Variants in TTBK2 observed in about 807,000 individuals in gnomAD.
TTBK2 encodes the protein tau tubulin kinase 2, also known as tau-tubulin kinase 2.
TTBK2 carries 28 observed loss-of-function variants against 110.8 expected under a neutral mutation model. The observed-to-expected ratio is 0.25, with a 90% CI of 0.19 to 0.35. The LOEUF is 0.35. TTBK2 is among the 10% of genes least tolerant of loss of function. The pLI, the probability that TTBK2 is intolerant of heterozygous loss-of-function variation, is 1.00. For missense variants in TTBK2, 1,369 were observed against 1,500.3 expected, an observed-to-expected ratio of 0.91 and a Z score of 1.45; for synonymous variants, 532 against 527.3, an observed-to-expected ratio of 1.01 and a Z score of -0.12.
At chr15:42,908,984 C>T (rs547043262) in intron 1 of TTBK2, among the ~76,000 whole-genome samples, 1 of 152,308 alleles carries the variant, frequency 6.6e-6, no homozygotes, top group East Asian at 1.9e-4. Flanking sequence ...TGGCAAAAAA[C>T]AACACAAATT....
chr15:42,883,387 A>AC (rs1895123363), intron 1 of TTBK2, among the ~76,000 whole-genome samples: 1 of 151,902 alleles, frequency 6.6e-6, no homozygotes, highest in Non-Finnish European at 1.5e-5. Context: ...CAAAAAAAAA[A>AC]AAAAAAAAAG....
intron 1 of TTBK2, among the ~76,000 whole-genome samples, chr15:42,892,294 C>T (rs1205438499): frequency 2.0e-5 from 3 of 152,102 alleles, no homozygotes; most frequent in Middle Eastern, 3.2e-3. Context: ...TGGAACTAAG[C>T]CATGCTCATT....
Position 42,817,412 on chromosome 15 carries a change from T to A in TTBK2, c.538-315A>T, listed in dbSNP as rs1892085572. Among the ~76,000 whole-genome samples the A allele has an allele frequency of 2.0e-5, 3 of 152,166 alleles. No individual in the cohort carries two copies. The South Asian group carries it at 6.2e-4, about 32-fold the overall frequency. On this transcript the variant is annotated intron_variant, in intron 6 of 14. Coordinates refer to ENST00000267890, the MANE Select transcript of TTBK2 (RefSeq NM_173500.4). The stretch of plus-strand genomic sequence containing the variant: ...AACATTAAATGCTTTCATATACCCA[T>A]AATCGTGGTAAGTATCATAGTATAT...
At position 42,840,405 on chromosome 15, in the gene TTBK2, G is replaced by A. The variant is rs1217725113; in HGVS notation, c.246C>T (p.Gly82=). ...AGTTGAATCGATCATTCCTCCCACA[G>A]CCAATAAATCTACAAACATGGTCTT... The part of the protein sequence containing the change: ...QGKDHVCRFI[G]CGRNDRFNYV... The change falls in exon 4 of 15, where the codon GGC becomes GGT. Residue 82 remains glycine (G), a synonymous_variant. Transcript: ENST00000267890. 1 of 1,613,902 alleles carries A rather than the reference G, an allele frequency of 6.2e-7. No homozygotes were observed. Among genetic ancestry groups the A allele is most frequent in the Non-Finnish European group, 8.5e-7 (1 of 1,179,910 alleles).
At chr15:42,901,930 T>G (rs2030043261) in intron 1 of TTBK2, among the ~76,000 whole-genome samples, 2 of 152,114 alleles carry the variant, frequency 1.3e-5, no homozygotes, top group African/African-American at 4.8e-5. Context: ...AAAACCACAA[T>G]GAGGGCCAGG....
chr15:42,783,569 A>T lies in TTBK2; in HGVS notation c.1047T>A (p.Asp349Glu). The change falls in exon 11 of 15, where the codon GAT (aspartate) becomes GAA (glutamate). Residue 349 changes from aspartate (D) to glutamate (E), a missense_variant. Asp to Glu is a conservative substitution (Grantham distance 45). Coordinates refer to ENST00000267890, the MANE Select transcript of TTBK2 (RefSeq NM_173500.4). ...LRENTDEVFP[D>E]EQLSDGENGI... is the part of the protein sequence containing the mutation. Reference sequence around the variant, plus strand: ...CATTTTCTCCATCGCTAAGCTGTTCATCTGGAAATACCTCATCTGTATTTT... The same window carrying T: ...CATTTTCTCCATCGCTAAGCTGTTCTTCTGGAAATACCTCATCTGTATTTT... 1 of 1,614,138 alleles carries T rather than the reference A, an allele frequency of 6.2e-7. No individual in the cohort carries two copies. The highest frequency in any genetic ancestry group is 8.5e-7 in the Non-Finnish European group (1 of 1,180,036).
At chr15:42,801,973 A>G in intron 9 of TTBK2, 1 of 1,570,920 alleles carries the variant, frequency 6.4e-7, no homozygotes, top group Non-Finnish European at 8.7e-7. Flanking sequence ...CTGCCACTTA[A>G]GGTTGTTGAT....
intron 9 of TTBK2, chr15:42,802,344 G>A: frequency 1.3e-6 from 1 of 769,932 alleles, no homozygotes; most frequent in South Asian, 1.3e-5. Flanking sequence ...AGGAGAGGCT[G>A]TTAAAGGCCT....
chr15:42,777,219 G>C lies in TTBK2; in HGVS notation c.1221C>G (p.Ser407Arg), dbSNP rs779352666. The change falls in exon 12 of 15, where the codon AGC becomes AGG. Residue 407 changes from serine (S) to arginine (R), a missense_variant. Ser to Arg is a moderately radical substitution (Grantham distance 110). Around this residue, in one of 4 missense-constraint regions of TTBK2, gnomAD observed 1,097 missense variants for 1,114.7 expected, o/e 0.98. Coordinates refer to ENST00000267890, the MANE Select transcript of TTBK2 (RefSeq NM_173500.4). ...ICKAATEEEN[S>R]HGQANGLLNA... The stretch of plus-strand genomic sequence containing the variant: ...TGAGAAGACCATTTGCCTGGCCATG[G>C]CTGTTCTCCTCTTCAGTAGCAGCCT... 1 of 1,614,148 alleles carries C rather than the reference G, an allele frequency of 6.2e-7. No homozygotes were observed. Among genetic ancestry groups the C allele is most frequent in the Non-Finnish European group, 8.5e-7 (1 of 1,180,024 alleles).
intron 10 of TTBK2, among the ~76,000 whole-genome samples, chr15:42,792,777 T>C (rs1279546224): frequency 6.6e-6 from 1 of 152,170 alleles, no homozygotes; most frequent in Non-Finnish European, 1.5e-5. Context: ...CTCTTTTTAT[T>C]TACAGTTATT....
At chr15:42,768,267 A>G (rs561128803) in intron 13 of TTBK2, among the ~76,000 whole-genome samples, 90 of 152,350 alleles carry the variant, frequency 5.9e-4, no homozygotes, top group African/African-American at 2.1e-3. Flanking sequence ...GGCCAGGGCA[A>G]TCAGGCAAGA....
At chr15:42,891,540 C>CA (rs1035923968) in intron 1 of TTBK2, among the ~76,000 whole-genome samples, 3 of 150,580 alleles carry the variant, frequency 2.0e-5, no homozygotes, top group African/African-American at 7.3e-5. Flanking sequence ...AAAAAAAAAA[C>CA]AAACTCTGAA....
Position 42,878,570 on chromosome 15 carries a change from T to G in TTBK2, c.48A>C (p.Leu16=). The G allele has an allele frequency of 6.2e-7, 1 of 1,613,264 alleles. No individual in the cohort carries two copies. ...TCACCACTTTCCATCTTTCTTTCAC[T>G]AGGATTCCAACACTCAGGATATCCA... is the stretch of plus-strand genomic sequence containing the variant. ...EQLDILSVGI[L]VKERWKVLRK... is the part of the protein sequence containing the mutation. Residue 16 remains leucine, a synonymous_variant, in exon 2 of 15, where the codon CTA becomes CTC. Coordinates refer to ENST00000267890, the MANE Select transcript of TTBK2 (RefSeq NM_173500.4).
At chr15:42,806,840 A>G (rs1891489630) in intron 9 of TTBK2, among the ~76,000 whole-genome samples, 1 of 150,250 alleles carries the variant, frequency 6.7e-6, no homozygotes, top group African/African-American at 2.5e-5. Flanking sequence ...TTGGCTCATC[A>G]GCTATCATTA....
intron 3 of TTBK2, among the ~76,000 whole-genome samples, chr15:42,847,546 C>A (rs1399555532): frequency 6.6e-6 from 1 of 152,228 alleles, no homozygotes; most frequent in Non-Finnish European, 1.5e-5. Flanking sequence ...AAAAGTTACA[C>A]AGCTTTATAT....
chr15:42,867,435 C>T (rs1012060066), intron 3 of TTBK2, among the ~76,000 whole-genome samples: 9 of 151,660 alleles, frequency 5.9e-5, no homozygotes, highest in Non-Finnish European at 1.0e-4. Context: ...TGCAAAAGAC[C>T]TATATGATAA....
chr15:42,824,828 C>T (rs1892459917), intron 6 of TTBK2, among the ~76,000 whole-genome samples: 2 of 151,714 alleles, frequency 1.3e-5, no homozygotes, highest in South Asian at 2.1e-4. Flanking sequence ...CATGAGTTTA[C>T]CTATATAACA....
chr15:42,860,839 G>C (rs757872931), intron 3 of TTBK2, among the ~76,000 whole-genome samples: 2 of 151,636 alleles, frequency 1.3e-5, no homozygotes, highest in Non-Finnish European at 2.9e-5. Context: ...AGTAGAGATG[G>C]GGTTTCACCA....
In TTBK2 at chr15:42,743,040, T is replaced by C. The variant is rs1415745067; in HGVS notation, c.*2755A>G. ...AGACATCTAAAAGCGCAAACTATGC[T>C]TGTAAAAACCAAAAAGTAAATCTCT... On this transcript the variant is annotated 3_prime_UTR_variant, in exon 15 of 15. Coordinates refer to ENST00000267890, the MANE Select transcript of TTBK2 (RefSeq NM_173500.4). 1 of 152,188 alleles carries C rather than the reference T, an allele frequency of 6.6e-6. No homozygotes were observed. Among genetic ancestry groups the C allele is most frequent in the African/African-American group, 2.4e-5 (1 of 41,434 alleles). The allele number at this position is 152,188 out of a possible 1,614,324, so 9.4% of individuals were successfully genotyped here.
Sources: allele counts gnomAD v4.1 joint callset (sites outside exome capture counted in the v4.1 genomes callset), GRCh38; gene constraint gnomAD v4.1.1; regional missense constraint gnomAD v4.1.1; transcripts MANE v1.5; gene names NCBI Gene and HGNC (gene_info 2026-07-23, HGNC 2026-07-21).